Variants in SORCS2 observed in about 807,000 individuals in gnomAD.
The protein encoded by SORCS2 is VPS10 domain-containing receptor SorCS2.
In SORCS2, 100 loss-of-function variants were observed where a neutral mutation model predicts 141.6. The ratio of observed to expected loss-of-function variants is 0.71; its 90% CI spans 0.60 to 0.83. SORCS2 has a LOEUF of 0.83. Ranked by LOEUF, SORCS2 falls within the 40% of genes least tolerant of loss-of-function variation. The probability of loss-of-function intolerance (pLI) is 0.00; values close to 1 mark genes in which losing one functional copy is unlikely to be tolerated. For missense variants in SORCS2, 1,646 were observed against 1,560.2 expected (o/e 1.05, Z -0.93); for synonymous variants, 789 against 676.9 (o/e 1.17, Z -2.57).
At chr4:7,466,715 T>C (rs114313140) in intron 2 of SORCS2, among the ~76,000 whole-genome samples, 2,686 of 152,202 alleles carry the variant, frequency 0.018, 82 homozygotes, top group African/African-American at 0.06. Flanking sequence ...GGTGGCCCAC[T>C]ACATACAGGG....
At chr4:7,695,371 G>A (rs1274606497) in intron 11 of SORCS2, among the ~76,000 whole-genome samples, 3 of 72,380 alleles carry the variant, frequency 4.1e-5, no homozygotes, top group Non-Finnish European at 8.1e-5. Context: ...TGGATGGATG[G>A]ATGGATGGAT....
chr4:7,377,901 C>A (rs1044672463), intron 1 of SORCS2, among the ~76,000 whole-genome samples: 1 of 152,184 alleles, frequency 6.6e-6, no homozygotes, highest in Non-Finnish European at 1.5e-5. Flanking sequence ...TTGAGTTCAC[C>A]CTGGGGAGAT....
At chr4:7,582,822 C>A (rs1017392429) in intron 3 of SORCS2, among the ~76,000 whole-genome samples, 1 of 152,036 alleles carries the variant, frequency 6.6e-6, no homozygotes, top group Admixed American at 6.6e-5. Context: ...CCTTAGCAGC[C>A]GTAGCAGCAA....
At chr4:7,524,989 C>T (rs114541849) in intron 2 of SORCS2, among the ~76,000 whole-genome samples, 2,480 of 152,308 alleles carry the variant, frequency 0.016, 57 homozygotes, top group African/African-American at 0.057. Context: ...TTCCAGAGAG[C>T]GGGAGCTTAA....
chr4:7,670,149 A>G (rs150896418), intron 8 of SORCS2, among the ~76,000 whole-genome samples: 167 of 152,368 alleles, frequency 1.1e-3, no homozygotes, highest in African/African-American at 3.8e-3. Flanking sequence ...ACAAAGTTGG[A>G]ATAGATCAGC....
chr4:7,303,318 G>A lies in SORCS2; in HGVS notation c.481-92970G>A, dbSNP rs560475808. Among the ~76,000 whole-genome samples the A allele has an allele frequency of 6.6e-5, 10 of 152,346 alleles. 1 individual carries two copies. The South Asian group carries it at 2.1e-3, about 32-fold the overall frequency. ...GTGTCAGGAACTCAGCTTTCAAGGAGTTATTAATGGATGCTCTCTGCTGGT... is the reference window on the plus strand; with the variant it reads ...GTGTCAGGAACTCAGCTTTCAAGGAATTATTAATGGATGCTCTCTGCTGGT... On this transcript the variant is annotated intron_variant, in intron 1 of 26. Coordinates refer to ENST00000507866, the MANE Select transcript of SORCS2 (RefSeq NM_020777.3).
intron 2 of SORCS2, among the ~76,000 whole-genome samples, chr4:7,525,241 C>T (rs972916755): frequency 6.6e-6 from 1 of 152,148 alleles, no homozygotes; most frequent in Non-Finnish European, 1.5e-5. Context: ...GGATCCCTTT[C>T]AGGTCTCTTG....
At chr4:7,524,330 T>C (rs1577695011) in intron 2 of SORCS2, among the ~76,000 whole-genome samples, 1 of 152,128 alleles carries the variant, frequency 6.6e-6, no homozygotes, top group African/African-American at 2.4e-5. Context: ...GATCCTCCCC[T>C]GGAGCCTCCA....
At chr4:7,718,730 A>T (rs1432741277) in intron 18 of SORCS2, among the ~76,000 whole-genome samples, 1 of 152,212 alleles carries the variant, frequency 6.6e-6, no homozygotes, top group Non-Finnish European at 1.5e-5. Context: ...TTGCTTTAGA[A>T]CAAGTGTTAT....
intron 1 of SORCS2, among the ~76,000 whole-genome samples, chr4:7,292,806 T>A (rs1411076327): frequency 2.6e-5 from 4 of 152,210 alleles, no homozygotes; most frequent in African/African-American, 9.6e-5. Flanking sequence ...GAGCACAGAT[T>A]GCACGCCTTG....
intron 2 of SORCS2, among the ~76,000 whole-genome samples, chr4:7,457,313 G>A (rs1023224181): frequency 3.3e-5 from 5 of 152,216 alleles, no homozygotes; most frequent in African/African-American, 1.2e-4. Context: ...ATGCAGCCAG[G>A]CCTGGAGGCA....
At chr4:7,638,222 T>C in intron 3 of SORCS2, 106 bp from the exon 4 acceptor site, 1 of 1,331,446 alleles carries the variant, frequency 7.5e-7, no homozygotes, top group Non-Finnish European at 1.0e-6. Context: ...ACCCCCTTTC[T>C]GGTGTGAGGG....
At chr4:7,348,148 G>A (rs1038416935) in intron 1 of SORCS2, among the ~76,000 whole-genome samples, 1 of 152,256 alleles carries the variant, frequency 6.6e-6, no homozygotes, top group Non-Finnish European at 1.5e-5. Flanking sequence ...GAGCCGATGT[G>A]AGACAGGTCA....
intron 1 of SORCS2, among the ~76,000 whole-genome samples, chr4:7,395,045 C>G (rs1020407806): frequency 6.6e-6 from 1 of 152,224 alleles, no homozygotes; most frequent in Non-Finnish European, 1.5e-5. Context: ...AGGCTGTGAG[C>G]TGACAAGAGA....
intron 1 of SORCS2, among the ~76,000 whole-genome samples, chr4:7,289,027 T>C (rs1248806563): frequency 6.6e-6 from 1 of 152,064 alleles, no homozygotes; most frequent in Non-Finnish European, 1.5e-5. Flanking sequence ...GTTGACTCTA[T>C]TGATCAATCA....
At chr4:7,400,562 G>C (rs1724511493) in intron 2 of SORCS2, among the ~76,000 whole-genome samples, 2 of 152,186 alleles carry the variant, frequency 1.3e-5, no homozygotes, top group South Asian at 4.1e-4. Context: ...CAGATCCCTG[G>C]AACCAAACTC....
chr4:7,284,185 C>A (rs1046107043), intron 1 of SORCS2, among the ~76,000 whole-genome samples: 1 of 152,158 alleles, frequency 6.6e-6, no homozygotes. Flanking sequence ...TGGCCATTTT[C>A]AACTGGGACA....
At chr4:7,268,635 G>A (rs1042479979) in intron 1 of SORCS2, among the ~76,000 whole-genome samples, 2 of 152,252 alleles carry the variant, frequency 1.3e-5, no homozygotes, top group Non-Finnish European at 2.9e-5. Context: ...AGCCTGCAGG[G>A]CTTTGCACAC....
At position 7,663,170 on chromosome 4, in the gene SORCS2, G is replaced by C. The variant is rs1195000989; in HGVS notation, c.953-1183G>C. 6.6e-6 allele frequency among the ~76,000 whole-genome samples: 1 copy of C among 151,630 alleles called. No individual in the cohort carries two copies. ...ATTGAAAGAGTGAGTGAGTGAATGA[G>C]TGATGAGTGAATGAGTGAGTGAGTG... On this transcript the variant is annotated intron_variant, in intron 6 of 26. Coordinates refer to ENST00000507866, the MANE Select transcript of SORCS2 (RefSeq NM_020777.3). The surrounding 1 kb of genome is among the most constrained non-coding windows in gnomAD (Gnocchi z 4.8).
Sources: allele counts gnomAD v4.1 joint callset (sites outside exome capture counted in the v4.1 genomes callset), GRCh38; gene constraint gnomAD v4.1.1; non-coding constraint Gnocchi (gnomAD v3.1); transcripts MANE v1.5; gene names NCBI Gene and HGNC (gene_info 2026-07-23, HGNC 2026-07-21).